Variants in GPR39 observed in about 807,000 individuals in gnomAD.
The protein encoded by GPR39 is zinc sensing receptor.
Under a neutral mutation model 18.4 loss-of-function variants are expected in GPR39, and 23 were observed. That is an observed-to-expected ratio of 1.25 (90% CI 0.90 to 1.77). The LOEUF (loss-of-function observed/expected upper bound fraction) is 1.77, where lower values mean the gene tolerates loss of function less well. GPR39 is among the 40% of genes most tolerant of loss of function. The probability of loss-of-function intolerance (pLI) is 0.00; values close to 1 mark genes in which losing one functional copy is unlikely to be tolerated. For missense variants in GPR39, 647 were observed against 602.4 expected (o/e 1.07, Z -0.78); for synonymous variants, 280 against 257.9 (o/e 1.09, Z -0.82).
At chr2:132,561,306 C>G (rs1680249506) in intron 1 of GPR39, among the ~76,000 whole-genome samples, 1 of 152,144 alleles carries the variant, frequency 6.6e-6, no homozygotes. Flanking sequence ...AATCATACCC[C>G]TACCATTTCT....
intron 1 of GPR39, among the ~76,000 whole-genome samples, chr2:132,555,113 G>A (rs1001826839): frequency 2.6e-5 from 4 of 152,104 alleles, no homozygotes; most frequent in Non-Finnish European, 4.4e-5. Context: ...CACCATGCCC[G>A]GCTAATTTTT....
At chr2:132,578,400 G>A (rs1198441789) in intron 1 of GPR39, among the ~76,000 whole-genome samples, 1 of 152,058 alleles carries the variant, frequency 6.6e-6, no homozygotes, top group Admixed American at 6.6e-5. Flanking sequence ...AATGAACTGG[G>A]AAGTATTCTC....
At chr2:132,559,595 G>T (rs1032257739) in intron 1 of GPR39, among the ~76,000 whole-genome samples, 2 of 151,994 alleles carry the variant, frequency 1.3e-5, no homozygotes, top group Non-Finnish European at 2.9e-5. Flanking sequence ...CAGCTCTCCC[G>T]GCCAGGTCTT....
chr2:132,583,882 A>G (rs1481880065), intron 1 of GPR39, among the ~76,000 whole-genome samples: 2 of 151,930 alleles, frequency 1.3e-5, no homozygotes, highest in African/African-American at 2.4e-5. Flanking sequence ...ACCTCCAGGT[A>G]CACAGCCCAG....
At chr2:132,617,034 C>T (rs568470146) in intron 1 of GPR39, among the ~76,000 whole-genome samples, 3 of 152,112 alleles carry the variant, frequency 2.0e-5, no homozygotes, top group Non-Finnish European at 2.9e-5. Context: ...ACAGTGCACA[C>T]GTTTTGTGGA....
chr2:132,587,525 T>C (rs1680750856), intron 1 of GPR39, among the ~76,000 whole-genome samples: 1 of 152,200 alleles, frequency 6.6e-6, no homozygotes, highest in Admixed American at 6.5e-5. Flanking sequence ...ATTAGGTCTT[T>C]TCTTTTTTCT....
At chr2:132,616,485 T>C (rs1378389136) in intron 1 of GPR39, among the ~76,000 whole-genome samples, 6 of 152,164 alleles carry the variant, frequency 3.9e-5, no homozygotes, top group Non-Finnish European at 8.8e-5. Context: ...AGGAAAAGAA[T>C]GCAGAGTGGA....
At chr2:132,422,217 C>A (rs1463706805) in intron 1 of GPR39, among the ~76,000 whole-genome samples, 1 of 152,198 alleles carries the variant, frequency 6.6e-6, no homozygotes, top group Non-Finnish European at 1.5e-5. Flanking sequence ...CCTATCCTTG[C>A]ATTATCCTTA....
chr2:132,547,029 T>A (rs530597921), intron 1 of GPR39, among the ~76,000 whole-genome samples: 1 of 152,136 alleles, frequency 6.6e-6, no homozygotes, highest in Non-Finnish European at 1.5e-5. Flanking sequence ...AGGAGCAAGA[T>A]GCTGTGTTTC....
intron 1 of GPR39, among the ~76,000 whole-genome samples, chr2:132,445,669 T>TGTTTGCC (rs57282009): frequency 0.5 from 76,283 of 151,368 alleles, 20,865 homozygotes; most frequent in Non-Finnish European, 0.62. Flanking sequence ...TATGACAAAT[T>TGTTTGCC]GTTTGCCATA....
Position 132,547,356 on chromosome 2 carries a change from T to C in GPR39, c.857-97745T>C, listed in dbSNP as rs74775965. Among the ~76,000 whole-genome samples the C allele has an allele frequency of 2.0e-3, 297 of 152,262 alleles. 1 individual carries two copies. Among genetic ancestry groups the C allele is most frequent in the African/African-American group, 6.9e-3 (287 of 41,554 alleles). ...CAGGAGCTTGGCGAGATCTCAGAAATTGCAAAGCAGTAAGGATGCCTGGGG... is the reference window on the plus strand; with the variant it reads ...CAGGAGCTTGGCGAGATCTCAGAAACTGCAAAGCAGTAAGGATGCCTGGGG... On this transcript the variant is annotated intron_variant, in intron 1 of 1. Coordinates refer to ENST00000329321, the MANE Select transcript of GPR39 (RefSeq NM_001508.3).
chr2:132,467,564 A>C (rs1318165212), intron 1 of GPR39, among the ~76,000 whole-genome samples: 1 of 152,224 alleles, frequency 6.6e-6, no homozygotes, highest in African/African-American at 2.4e-5. Context: ...ATCTAAAATA[A>C]AAGTTGAAAA....
intron 1 of GPR39, among the ~76,000 whole-genome samples, chr2:132,607,622 A>G (rs188790753): frequency 3.9e-4 from 60 of 152,202 alleles, no homozygotes; most frequent in Admixed American, 3.5e-3. Flanking sequence ...GGGGGAATAC[A>G]CCTCTCATCC....
At chr2:132,591,553 C>T (rs1013438494) in intron 1 of GPR39, among the ~76,000 whole-genome samples, 3 of 152,126 alleles carry the variant, frequency 2.0e-5, no homozygotes, top group East Asian at 1.9e-4. Flanking sequence ...ACCTTGTGAT[C>T]GTGTGAGTCA....
chr2:132,455,981 G>C (rs953550133), intron 1 of GPR39, among the ~76,000 whole-genome samples: 2 of 152,184 alleles, frequency 1.3e-5, no homozygotes, highest in Admixed American at 6.5e-5. Context: ...GAATTCTGTA[G>C]ATGTCTATGA....
At chr2:132,619,809 A>G (rs1264261934) in intron 1 of GPR39, among the ~76,000 whole-genome samples, 1 of 147,908 alleles carries the variant, frequency 6.8e-6, no homozygotes, top group Non-Finnish European at 1.5e-5. Context: ...CCTCCCCAAC[A>G]TACACACAGA....
In GPR39 at chr2:132,640,240, A is replaced by C. The variant is rs375553959; in HGVS notation, c.857-4861A>C. 3.7e-4 allele frequency among the ~76,000 whole-genome samples: 56 copies of C among 152,324 alleles called. 2 individuals are homozygous for C. Among genetic ancestry groups the C allele is most frequent in the African/African-American group, 1.2e-3 (49 of 41,578 alleles). On this transcript the variant is annotated intron_variant, in intron 1 of 1. Coordinates refer to ENST00000329321, the MANE Select transcript of GPR39 (RefSeq NM_001508.3). ...CCAGCCTGCAGAGCTTAATGCACTTAAGATGAAACCAAGCAGGCTGCCTCT... is the reference window on the plus strand; with the variant it reads ...CCAGCCTGCAGAGCTTAATGCACTTCAGATGAAACCAAGCAGGCTGCCTCT...
chr2:132,520,937 G>C (rs1185981442), intron 1 of GPR39, among the ~76,000 whole-genome samples: 3 of 152,222 alleles, frequency 2.0e-5, no homozygotes, highest in African/African-American at 7.2e-5. Flanking sequence ...GCAATCTGTT[G>C]TAAGTAGAAG....
chr2:132,478,426 C>T (rs752170317), intron 1 of GPR39, among the ~76,000 whole-genome samples: 1 of 152,218 alleles, frequency 6.6e-6, no homozygotes, highest in Non-Finnish European at 1.5e-5. Context: ...AGCTAATGAT[C>T]TCCATAGGTT....
Sources: gnomAD v4.1 joint callset for allele counts (sites outside exome capture counted in the v4.1 genomes callset) on GRCh38, gnomAD v4.1.1 for gene constraint, MANE v1.5 for transcripts, NCBI Gene and HGNC (gene_info 2026-07-23, HGNC 2026-07-21) for gene names.